DLC1: variants seen among roughly 807,000 people sequenced by gnomAD.
The protein encoded by DLC1 is DLC1 Rho GTPase activating protein.
DLC1 carries 54 observed loss-of-function variants against 140.3 expected under a neutral mutation model. That is an observed-to-expected ratio of 0.38 (90% CI 0.31 to 0.48). The LOEUF is 0.48. Among genes scored for constraint, DLC1 ranks in the 20% least tolerant of loss-of-function variants. DLC1 has a pLI of 0.96. For missense variants in DLC1, 2,536 were observed against 1,907.0 expected (o/e 1.33, Z -6.14); for synonymous variants, 986 against 728.1 (o/e 1.35, Z -5.70).
At chr8:13,591,321 G>C (rs547904614) in intron 1 of DLC1, among the ~76,000 whole-genome samples, 3 of 152,070 alleles carry the variant, frequency 2.0e-5, no homozygotes, top group Non-Finnish European at 4.4e-5. Context: ...GGACGCAGTG[G>C]GAGGTAATTA....
chr8:13,430,306 C>A (rs536440550), intron 2 of DLC1, among the ~76,000 whole-genome samples: 2 of 152,142 alleles, frequency 1.3e-5, no homozygotes, highest in South Asian at 2.1e-4. Context: ...CTTTGAGAAA[C>A]AAAGGCCTTT....
At chr8:13,085,966 T>C (rs372705753) in intron 17 of DLC1, 35 bp from the exon 18 acceptor site, 50 of 1,607,680 alleles carry the variant, frequency 3.1e-5, no homozygotes, top group Non-Finnish European at 4.2e-5. Context: ...TGATGAATTA[T>C]TTAAGTTAGA....
At chr8:13,556,093 G>T (rs1804034858) in intron 1 of DLC1, among the ~76,000 whole-genome samples, 2 of 152,128 alleles carry the variant, frequency 1.3e-5, no homozygotes, top group South Asian at 4.1e-4. Flanking sequence ...TGCTCTCTGT[G>T]CTAGGGCAGT....
chr8:13,345,682 C>T (rs939773247), intron 4 of DLC1, among the ~76,000 whole-genome samples: 3 of 151,036 alleles, frequency 2.0e-5, no homozygotes, highest in South Asian at 2.1e-4. Flanking sequence ...CTCAGCCTCC[C>T]GAGTAGCTGG....
In DLC1 at chr8:13,085,111, T is replaced by C. The variant is rs1817447752; in HGVS notation, c.*700A>G. 1 of 152,180 alleles carries C rather than the reference T, an allele frequency of 6.6e-6. No homozygotes were observed. Among genetic ancestry groups the C allele is most frequent in the South Asian group, 2.1e-4 (1 of 4,828 alleles). The allele number at this position is 152,180 out of a possible 1,614,324, so 9.4% of individuals were successfully genotyped here. ...TGGAATGGGTGTAAGAGCCAACCTA[T>C]TACAATCAAAGTACAGAAGAGGTTC... On this transcript the variant is annotated 3_prime_UTR_variant, in exon 18 of 18. Coordinates refer to ENST00000276297, the MANE Select transcript of DLC1 (RefSeq NM_182643.3).
intron 2 of DLC1, among the ~76,000 whole-genome samples, chr8:13,438,048 C>G (rs756887719): frequency 6.7e-6 from 1 of 148,152 alleles, no homozygotes; most frequent in African/African-American, 2.5e-5. Context: ...CAGTACCATA[C>G]TATCAGTTAT....
rs1198998683 is a variant in DLC1 at position 13,088,528 on chromosome 8, G to A, written c.4251C>T (p.Asn1417=). ...SQTEIYQYVQ[N]SMAPHPARDY... ...CTCGAGCAGGATGAGGTGCCATACT[G>A]TTTTGGACATACTGGTAAATTTCAG... The change falls in exon 16 of 18, where the codon AAC becomes AAT. Residue 1417 remains asparagine, a synonymous_variant. Coordinates refer to ENST00000276297, the MANE Select transcript of DLC1 (RefSeq NM_182643.3). The A allele has an allele frequency of 4.3e-6, 7 of 1,614,206 alleles. No homozygotes were observed. Among genetic ancestry groups the A allele is most frequent in the East Asian group, 2.2e-5 (1 of 44,882 alleles).
intron 1 of DLC1, among the ~76,000 whole-genome samples, chr8:13,537,011 T>C (rs1803306129): frequency 6.6e-6 from 1 of 152,170 alleles, no homozygotes; most frequent in African/African-American, 2.4e-5. Flanking sequence ...AAGTAGCCAA[T>C]ATACTGTTTA....
intron 1 of DLC1, among the ~76,000 whole-genome samples, chr8:13,562,609 C>A (rs562511764): frequency 2.6e-5 from 4 of 152,278 alleles, no homozygotes; most frequent in Non-Finnish European, 5.9e-5. Flanking sequence ...TGCTCCCATA[C>A]ATTGCTGGCA....
chr8:13,472,952 A>T (rs62494115), intron 2 of DLC1, among the ~76,000 whole-genome samples: 3 of 151,580 alleles, frequency 2.0e-5, no homozygotes, highest in Middle Eastern at 3.2e-3. Context: ...GTACCTGAAT[A>T]CTAGTCATAA....
intron 5 of DLC1, among the ~76,000 whole-genome samples, chr8:13,213,886 C>A (rs916553975): frequency 2.0e-5 from 3 of 151,668 alleles, no homozygotes; most frequent in Non-Finnish European, 2.9e-5. Context: ...CGAGTTAAAG[C>A]GATTCTCATG....
chr8:13,603,986 T>A (rs1253604600), intron 1 of DLC1, among the ~76,000 whole-genome samples: 1 of 152,126 alleles, frequency 6.6e-6, no homozygotes, highest in Admixed American at 6.6e-5. Flanking sequence ...TAGGTTTTGA[T>A]CAAACTCTAT....
intron 4 of DLC1, among the ~76,000 whole-genome samples, chr8:13,360,240 A>G (rs1835158358): frequency 6.6e-6 from 1 of 152,230 alleles, no homozygotes; most frequent in African/African-American, 2.4e-5. Flanking sequence ...AACACTCAGT[A>G]CAGAGCTCTA....
At chr8:13,548,311 C>G (rs539427591) in intron 1 of DLC1, among the ~76,000 whole-genome samples, 225 of 152,004 alleles carry the variant, frequency 1.5e-3, no homozygotes, top group African/African-American at 5.2e-3. Flanking sequence ...CCATTTGTAA[C>G]GCTCACAAAC....
chr8:13,242,742 C>T (rs1829596003), intron 5 of DLC1, among the ~76,000 whole-genome samples: 1 of 152,084 alleles, frequency 6.6e-6, no homozygotes, highest in South Asian at 2.1e-4. Context: ...CTTATATTTT[C>T]TTGCTTAGTG....
chr8:13,120,356 A>AAAAAAAAATAT, intron 5 of DLC1, among the ~76,000 whole-genome samples: 1,408 of 60,846 alleles, frequency 0.023, 66 homozygotes, highest in African/African-American at 0.057. Context: ...AAAAAAAAAA[A>AAAAAAAAATAT]ATATATATAT....
chr8:13,327,067 G>A (rs924386235), intron 4 of DLC1, among the ~76,000 whole-genome samples: 5 of 148,528 alleles, frequency 3.4e-5, no homozygotes, highest in Admixed American at 6.8e-5. Context: ...CCACTCTCCC[G>A]CCTCAGCCTC....
At chr8:13,351,758 A>C (rs988406678) in intron 4 of DLC1, among the ~76,000 whole-genome samples, 1 of 152,260 alleles carries the variant, frequency 6.6e-6, no homozygotes, top group Admixed American at 6.5e-5. Context: ...GTCCTGATTA[A>C]GAAAAATAAT....
rs2117216056 is a variant in DLC1 at position 13,393,679 on chromosome 8, T to A, written c.1188A>T (p.Gly396=). ...AAATGGTATCTGCTCCACTTTCAGA[T>A]CCTGATTCCAGATCCTATTAAAAAA... ...LRRHVPDLES[G]SESGADTISV... is the part of the protein sequence containing the mutation. Residue 396 remains glycine, a synonymous_variant, in exon 4 of 18, where the codon GGA becomes GGT. Coordinates refer to ENST00000276297, the MANE Select transcript of DLC1 (RefSeq NM_182643.3). 6.2e-7 allele frequency: 1 copy of A among 1,613,796 alleles called. No individual in the cohort carries two copies. The highest frequency in any genetic ancestry group is 8.5e-7 in the Non-Finnish European group (1 of 1,179,898).
Sources: gnomAD v4.1 joint callset for allele counts (sites outside exome capture counted in the v4.1 genomes callset) on GRCh38, gnomAD v4.1.1 for gene constraint, MANE v1.5 for transcripts, NCBI Gene and HGNC (gene_info 2026-07-23, HGNC 2026-07-21) for gene names.